The following CTNNA3 variants were observed in gnomAD, a reference collection of about 807,000 sequenced individuals.
CTNNA3 encodes the protein catenin alpha-3.
CTNNA3 carries 76 observed loss-of-function variants against 95.7 expected under a neutral mutation model. The ratio of observed to expected loss-of-function variants is 0.79; its 90% CI spans 0.66 to 0.96. The LOEUF is 0.96. Among genes scored for constraint, CTNNA3 ranks in the 40% least tolerant of loss-of-function variants. The pLI is 0.00. For synonymous variants in CTNNA3, 431 were observed against 374.4 expected (o/e 1.15, Z -1.74); for missense variants, 1,191 against 1,089.8 (o/e 1.09, Z -1.31).
rs142881537 is a variant in CTNNA3 at position 66,636,490 on chromosome 10, T to C, written c.1282-14706A>G. On this transcript the variant is annotated intron_variant, in intron 9 of 17. Transcript: ENST00000433211. ...GGGAGGAGTAAGAAGGGATCTTGTA[T>C]ACTAACCTTCCATAATTAGAGCAAA... 2.9e-3 allele frequency among the ~76,000 whole-genome samples: 446 copies of C among 152,172 alleles called. 1 individual carries two copies. Among genetic ancestry groups the C allele is most frequent in the African/African-American group, 0.011 (437 of 41,544 alleles).
At chr10:66,857,724 T>C (rs541084605) in intron 7 of CTNNA3, among the ~76,000 whole-genome samples, 1 of 152,192 alleles carries the variant, frequency 6.6e-6, no homozygotes, top group East Asian at 1.9e-4. Flanking sequence ...TGTTGGCGTA[T>C]AGTAATGTTA....
At chr10:66,640,471 G>A (rs1384089548) in intron 9 of CTNNA3, among the ~76,000 whole-genome samples, 3 of 152,104 alleles carry the variant, frequency 2.0e-5, no homozygotes, top group Admixed American at 6.6e-5. Flanking sequence ...GTTCAGGTAA[G>A]GTTTCAGTTG....
chr10:67,426,806 TAA>T (rs200822197), intron 5 of CTNNA3, among the ~76,000 whole-genome samples: 1 of 140,270 alleles, frequency 7.1e-6, no homozygotes, highest in Admixed American at 7.1e-5. Context: ...AAAGTATAAT[TAA>T]AAAAAAAAAA....
chr10:67,676,392 AT>A (rs1840535238), intron 1 of CTNNA3, among the ~76,000 whole-genome samples: 1 of 152,202 alleles, frequency 6.6e-6, no homozygotes, highest in South Asian at 2.1e-4. Context: ...ATGATGTCAT[AT>A]TTGTAAAATA....
chr10:66,046,433 T>A (rs1236688328), intron 15 of CTNNA3, among the ~76,000 whole-genome samples: 1 of 152,084 alleles, frequency 6.6e-6, no homozygotes, highest in East Asian at 1.9e-4. Flanking sequence ...CCCCCATACA[T>A]ACAATATACC....
intron 13 of CTNNA3, among the ~76,000 whole-genome samples, chr10:66,199,806 T>TATATATATATATATAA (rs1554887153): frequency 1.1e-4 from 1 of 9,038 alleles, no homozygotes; most frequent in African/African-American, 4.8e-4. Flanking sequence ...TATATATATA[T>TATATATATATATATAA]TTTTTTTTTT....
intron 7 of CTNNA3, among the ~76,000 whole-genome samples, chr10:66,895,650 C>A (rs1341017025): frequency 6.6e-6 from 1 of 152,018 alleles, no homozygotes; most frequent in Non-Finnish European, 1.5e-5. Flanking sequence ...TTGATACAGT[C>A]CATTTCTTTA....
intron 12 of CTNNA3, among the ~76,000 whole-genome samples, chr10:66,368,366 C>T (rs10733822): frequency 0.35 from 53,699 of 151,662 alleles, 11,163 homozygotes; most frequent in Non-Finnish European, 0.47. Flanking sequence ...TTGCTGCTCT[C>T]TTTCATCTAT....
chr10:67,640,512 T>G (rs1260698502), intron 2 of CTNNA3, among the ~76,000 whole-genome samples: 1 of 152,120 alleles, frequency 6.6e-6, no homozygotes. Flanking sequence ...TACTTTAAAG[T>G]TCATATGGAA....
At chr10:66,791,542 C>G (rs1173194742) in intron 7 of CTNNA3, among the ~76,000 whole-genome samples, 4 of 152,174 alleles carry the variant, frequency 2.6e-5, no homozygotes, top group Non-Finnish European at 5.9e-5. Flanking sequence ...TCAGCACTTA[C>G]AAATGCTTAA....
In CTNNA3 at chr10:66,089,614, T is replaced by TA. The variant is rs2133686665; in HGVS notation, c.1977+13542dup. On this transcript the variant is annotated intron_variant, in intron 14 of 17. Transcript: ENST00000433211. ...TGAAGTTACTGTTCTTTATAAACAC[T>TA]ATATTTTAATAGAACAGACCATGTG... Among the ~76,000 whole-genome samples, 3 of 152,096 alleles carry TA rather than the reference T, an allele frequency of 2.0e-5. No homozygotes were observed. In the South Asian group the frequency reaches 6.2e-4, roughly 32 times the overall value.
intron 5 of CTNNA3, among the ~76,000 whole-genome samples, chr10:67,337,352 A>C (rs1842030990): frequency 6.6e-6 from 1 of 152,190 alleles, no homozygotes; most frequent in Non-Finnish European, 1.5e-5. Context: ...GCCTGAAGAT[A>C]TGGGTAATTG....
intron 3 of CTNNA3, among the ~76,000 whole-genome samples, chr10:67,591,906 G>GCA (rs1364185747): frequency 1.5e-5 from 2 of 133,208 alleles, no homozygotes; most frequent in African/African-American, 7.7e-5. Context: ...GACAGCAACA[G>GCA]GAGACAAATT....
chr10:67,099,374 A>C (rs1858203774), intron 7 of CTNNA3: 1 of 151,760 alleles, frequency 6.6e-6, no homozygotes, highest in South Asian at 2.1e-4. Flanking sequence ...TTGCACTAGA[A>C]GTGCTTTTTA....
intron 7 of CTNNA3, among the ~76,000 whole-genome samples, chr10:66,861,520 C>T (rs1384381459): frequency 6.6e-6 from 1 of 152,106 alleles, no homozygotes; most frequent in South Asian, 2.1e-4. Context: ...CTGGGTGACA[C>T]TCCAGCCATC....
chr10:67,181,634 T>C (rs1056787359), intron 6 of CTNNA3, among the ~76,000 whole-genome samples: 12 of 152,042 alleles, frequency 7.9e-5, no homozygotes, highest in African/African-American at 1.7e-4. Context: ...ATGTATTTTA[T>C]ATAGGTAGAG....
At chr10:66,758,327 A>G (rs1839455386) in intron 9 of CTNNA3, among the ~76,000 whole-genome samples, 2 of 152,226 alleles carry the variant, frequency 1.3e-5, no homozygotes, top group Non-Finnish European at 2.9e-5. Context: ...TTTAAAACAC[A>G]AAAGACAAAA....
intron 15 of CTNNA3, among the ~76,000 whole-genome samples, chr10:66,012,723 T>C (rs942025881): frequency 1.3e-5 from 2 of 152,182 alleles, no homozygotes; most frequent in Non-Finnish European, 2.9e-5. Flanking sequence ...ACAAACTCCA[T>C]GACTAATAGC....
intron 6 of CTNNA3, among the ~76,000 whole-genome samples, chr10:67,187,778 G>A (rs1309278314): frequency 1.3e-5 from 2 of 152,030 alleles, no homozygotes; most frequent in Admixed American, 1.3e-4. Context: ...TAGAGATGGG[G>A]TTTCACCATG....
Sources: gnomAD v4.1 joint callset for allele counts (sites outside exome capture counted in the v4.1 genomes callset) on GRCh38, gnomAD v4.1.1 for gene constraint, MANE v1.5 for transcripts, NCBI Gene and HGNC (gene_info 2026-07-23, HGNC 2026-07-21) for gene names.